The following JARID2 variants were observed in gnomAD, a reference collection of about 807,000 sequenced individuals.
JARID2 encodes the protein protein Jumonji.
A neutral mutation model predicts 125.6 loss-of-function variants in JARID2; 21 were observed. The ratio of observed to expected loss-of-function variants is 0.17; its 90% CI spans 0.12 to 0.24. JARID2 has a LOEUF of 0.24. Ranked by LOEUF, JARID2 falls within the 10% of genes least tolerant of loss-of-function variation. The pLI, the probability that JARID2 is intolerant of heterozygous loss-of-function variation, is 1.00. For missense variants in JARID2, 1,303 were observed against 1,639.6 expected, an observed-to-expected ratio of 0.79 and a Z score of 3.55; for synonymous variants, 736 against 661.6, an observed-to-expected ratio of 1.11 and a Z score of -1.73.
intron 1 of JARID2, among the ~76,000 whole-genome samples, chr6:15,303,902 A>G (rs1339466919): frequency 2.0e-5 from 3 of 152,300 alleles, no homozygotes; most frequent in East Asian, 3.9e-4. Flanking sequence ...TGAAACCAGC[A>G]TTAAACCCAG....
intron 1 of JARID2, among the ~76,000 whole-genome samples, chr6:15,320,213 T>C (rs1241294724): frequency 6.6e-6 from 1 of 152,172 alleles, no homozygotes; most frequent in Non-Finnish European, 1.5e-5. Flanking sequence ...GAATGGAAAA[T>C]GTATTACAGT....
intron 2 of JARID2, among the ~76,000 whole-genome samples, chr6:15,401,216 ATTC>A (rs1375127331): frequency 6.6e-6 from 1 of 152,096 alleles, no homozygotes; most frequent in African/African-American, 2.4e-5. Context: ...TAATATTAAT[ATTC>A]TTTTAGCTTT....
At chr6:15,253,654 C>A (rs945126684) in intron 1 of JARID2, among the ~76,000 whole-genome samples, 1 of 151,912 alleles carries the variant, frequency 6.6e-6, no homozygotes, top group South Asian at 2.1e-4. Flanking sequence ...TTTGTCTTGC[C>A]ACAGATTTTA....
intron 2 of JARID2, among the ~76,000 whole-genome samples, chr6:15,398,239 T>C (rs1256678557): frequency 1.3e-5 from 2 of 152,292 alleles, no homozygotes; most frequent in Admixed American, 6.5e-5. Context: ...AAAATTAAAG[T>C]GGATTGATTA....
In JARID2 at chr6:15,384,003, A is replaced by G. The variant is rs142199496; in HGVS notation, c.181+9751A>G. ...GAGATGGAGTTTCTCCGTGTTGGTC[A>G]GGCTGGTCTCGAACTCCTGACCCCA... On this transcript the variant is annotated intron_variant, in intron 2 of 17. Coordinates refer to ENST00000341776, the MANE Select transcript of JARID2 (RefSeq NM_004973.4). Among the ~76,000 whole-genome samples, 79 of 151,938 alleles carry G rather than the reference A, an allele frequency of 5.2e-4. 1 individual carries two copies. The East Asian group carries it at 7.0e-3, about 13-fold the overall frequency.
At chr6:15,320,234 T>C (rs1561790560) in intron 1 of JARID2, among the ~76,000 whole-genome samples, 1 of 152,230 alleles carries the variant, frequency 6.6e-6, no homozygotes, top group Non-Finnish European at 1.5e-5. Context: ...GTTAATGTCC[T>C]CTACAATTCC....
chr6:15,504,499 G>T lies in JARID2; in HGVS notation c.2449-1G>T. 6.2e-7 allele frequency: 1 copy of T among 1,610,760 alleles called. No individual in the cohort carries two copies. The highest frequency in any genetic ancestry group is 1.1e-5 in the South Asian group (1 of 90,992). On this transcript the variant is annotated splice_acceptor_variant, in intron 8 of 17. Transcript: ENST00000341776. LOFTEE classifies it high-confidence loss of function. ...CTTTACTGTTTTTTGTTTTGTTTCAGGGAAGGTCTGTTTCTCTAACAACTT... is the reference window on the plus strand; with the variant it reads ...CTTTACTGTTTTTTGTTTTGTTTCATGGAAGGTCTGTTTCTCTAACAACTT...
chr6:15,287,058 G>A (rs115173616), intron 1 of JARID2, among the ~76,000 whole-genome samples: 11 of 152,016 alleles, frequency 7.2e-5, no homozygotes, highest in Admixed American at 2.6e-4. Flanking sequence ...CCTGGGAGGC[G>A]GAGGTTGCGG....
intron 2 of JARID2, among the ~76,000 whole-genome samples, chr6:15,400,557 T>G (rs1322953003): frequency 6.6e-6 from 1 of 151,760 alleles, no homozygotes; most frequent in African/African-American, 2.4e-5. Flanking sequence ...ACTGTGAATG[T>G]CCCCCTCCCC....
At chr6:15,373,723 G>T (rs1764252592) in intron 1 of JARID2, among the ~76,000 whole-genome samples, 1 of 152,208 alleles carries the variant, frequency 6.6e-6, no homozygotes, top group Non-Finnish European at 1.5e-5. Flanking sequence ...TTCTGTTGCA[G>T]TGTACATTCT....
intron 4 of JARID2, among the ~76,000 whole-genome samples, chr6:15,464,142 A>C (rs1393175097): frequency 1.3e-5 from 2 of 152,112 alleles, no homozygotes; most frequent in Admixed American, 1.3e-4. Flanking sequence ...ATAAGAGATG[A>C]TCTTACTGCA....
chr6:15,441,265 G>C (rs180887717), intron 3 of JARID2, among the ~76,000 whole-genome samples: 259 of 152,312 alleles, frequency 1.7e-3, no homozygotes, highest in Middle Eastern at 6.8e-3. Context: ...GGAGGGGTGA[G>C]ATGGTATTAC....
rs1429529963 is a variant in JARID2, at chr6:15,511,285, C to T, written c.2847-11C>T. 6.3e-7 allele frequency: 1 copy of T among 1,593,908 alleles called. No homozygotes were observed. The highest frequency in any genetic ancestry group is 2.2e-5 in the East Asian group (1 of 44,826). ...GTCTCTGCTTGTCTCTTGTGTCTCT[C>T]AATGACCCAGGTATTGCATTCCTGC... is the stretch of plus-strand genomic sequence containing the variant. On this transcript the variant is annotated splice_polypyrimidine_tract_variant and intron_variant, in intron 12 of 17. Coordinates refer to ENST00000341776, the MANE Select transcript of JARID2 (RefSeq NM_004973.4).
chr6:15,497,820 G>T (rs1351543817), intron 7 of JARID2, among the ~76,000 whole-genome samples: 2 of 152,120 alleles, frequency 1.3e-5, no homozygotes, highest in Admixed American at 1.3e-4. Context: ...CTGGATTATA[G>T]AGGCTGGAAG....
intron 2 of JARID2, among the ~76,000 whole-genome samples, chr6:15,378,650 A>C (rs1308111894): frequency 6.6e-6 from 1 of 152,184 alleles, no homozygotes; most frequent in African/African-American, 2.4e-5. Flanking sequence ...TGAATCCAGT[A>C]CTTTTTTGCA....
chr6:15,403,331 C>A (rs1346977180), intron 2 of JARID2, among the ~76,000 whole-genome samples: 1 of 152,102 alleles, frequency 6.6e-6, no homozygotes, highest in East Asian at 1.9e-4. Context: ...GCAGTGTTTT[C>A]TGTCCCCCTG....
chr6:15,337,427 A>T lies in JARID2; in HGVS notation c.46-36690A>T, dbSNP rs557591990. 2.0e-5 allele frequency among the ~76,000 whole-genome samples: 3 copies of T among 152,170 alleles called. No individual in the cohort carries two copies. In the East Asian group the frequency reaches 5.8e-4, roughly 29 times the overall value. ...ACCTCCTGTTATCCTTTCCTCTCCCAGCTTGGGTGGCTATGCATGCCTGCA... is the reference window on the plus strand; with the variant it reads ...ACCTCCTGTTATCCTTTCCTCTCCCTGCTTGGGTGGCTATGCATGCCTGCA... On this transcript the variant is annotated intron_variant, in intron 1 of 17. Coordinates refer to ENST00000341776, the MANE Select transcript of JARID2 (RefSeq NM_004973.4).
At chr6:15,297,295 G>A (rs571655093) in intron 1 of JARID2, among the ~76,000 whole-genome samples, 3 of 151,572 alleles carry the variant, frequency 2.0e-5, no homozygotes, top group South Asian at 2.1e-4. Flanking sequence ...GATTATAGGC[G>A]CCGCCACCAC....
chr6:15,474,224 C>A (rs1769231510), intron 5 of JARID2, among the ~76,000 whole-genome samples: 1 of 152,208 alleles, frequency 6.6e-6, no homozygotes, highest in African/African-American at 2.4e-5. Flanking sequence ...AATTATTGAT[C>A]ATCTCATCCA....
Sources: gnomAD v4.1 joint callset for allele counts (sites outside exome capture counted in the v4.1 genomes callset) on GRCh38, gnomAD v4.1.1 for gene constraint, MANE v1.5 for transcripts, NCBI Gene and HGNC (gene_info 2026-07-23, HGNC 2026-07-21) for gene names.